Variants in PCDHA13 observed in about 807,000 individuals in gnomAD.
PCDHA13 encodes the protein protocadherin alpha 13, also known as protocadherin alpha-13.
Under a neutral mutation model 64.8 loss-of-function variants are expected in PCDHA13, and 54 were observed. The observed-to-expected ratio is 0.83, with a 90% CI of 0.67 to 1.04. The LOEUF (loss-of-function observed/expected upper bound fraction) is 1.04, where lower values mean the gene tolerates loss of function less well. Among genes scored for constraint, PCDHA13 ranks in the 50% least tolerant of loss-of-function variants. The pLI, the probability that PCDHA13 is intolerant of heterozygous loss-of-function variation, is 0.00. For synonymous variants in PCDHA13, 587 were observed against 564.4 expected, an observed-to-expected ratio of 1.04 and a Z score of -0.57; for missense variants, 1,248 against 1,254.3, an observed-to-expected ratio of 0.99 and a Z score of 0.08.
intron 1 of PCDHA13, among the ~76,000 whole-genome samples, chr5:140,937,158 C>T (rs969335051): frequency 2.6e-5 from 4 of 151,874 alleles, no homozygotes; most frequent in Non-Finnish European, 4.4e-5. Context: ...CTGCCTCAGC[C>T]TCCCGAGTAG....
Position 141,010,072 on chromosome 5 carries a change from C to T in PCDHA13, c.*135C>T. The T allele has an allele frequency of 3.1e-6, 5 of 1,606,334 alleles. No individual in the cohort carries two copies. The highest frequency in any genetic ancestry group is 4.3e-6 in the Non-Finnish European group (5 of 1,176,104). On this transcript the variant is annotated 3_prime_UTR_variant, in exon 4 of 4. Transcript: ENST00000289272. Reference sequence around the variant, plus strand: ...ACCTCAGAAATCTGCAGAAAGTTCCCTGTGTCTGTCTAGAACGCATTTAAC... The same window carrying T: ...ACCTCAGAAATCTGCAGAAAGTTCCTTGTGTCTGTCTAGAACGCATTTAAC...
At chr5:140,900,807 A>G (rs868976984) in intron 1 of PCDHA13, among the ~76,000 whole-genome samples, 1 of 152,176 alleles carries the variant, frequency 6.6e-6, no homozygotes, top group South Asian at 2.1e-4. Flanking sequence ...TAGTGCTTGT[A>G]CTAATTTACA....
intron 1 of PCDHA13, chr5:140,966,824 A>T: frequency 1.3e-6 from 2 of 1,559,992 alleles, no homozygotes; most frequent in Non-Finnish European, 1.7e-6. Flanking sequence ...CCGGCGGCCC[A>T]TGCCCTGGCT....
At position 140,927,553 on chromosome 5, in the gene PCDHA13, A is replaced by G. The variant is rs782577411; in HGVS notation, c.2394+42891A>G. 1.3e-5 allele frequency: 21 copies of G among 1,614,030 alleles called. No homozygotes were observed. The highest frequency in any genetic ancestry group is 9.3e-5 in the African/African-American group (7 of 74,932). ...CCGCTCAGGAGACGCACAAGTCACC[A>G]TCATTGTGGTGGACACAAATGACAA... On this transcript the variant is annotated intron_variant, in intron 1 of 3. Coordinates refer to ENST00000289272, the MANE Select transcript of PCDHA13 (RefSeq NM_018904.3).
chr5:140,982,224 A>G (rs893184323), intron 2 of PCDHA13: 8 of 587,202 alleles, frequency 1.4e-5, no homozygotes, highest in South Asian at 3.8e-5. Flanking sequence ...TGGCGTTAAT[A>G]AAAAACAGAA....
chr5:140,991,310 C>T (rs1450251256), intron 3 of PCDHA13, among the ~76,000 whole-genome samples: 2 of 152,140 alleles, frequency 1.3e-5, no homozygotes, highest in Admixed American at 6.5e-5. Flanking sequence ...TATCTTGTCC[C>T]GCATGATACA....
chr5:141,009,938 G>T lies in PCDHA13; in HGVS notation c.*1G>T, dbSNP rs781826815. The T allele has an allele frequency of 6.6e-5, 106 of 1,600,570 alleles. No individual in the cohort carries two copies. The highest frequency in any genetic ancestry group is 8.9e-5 in the Non-Finnish European group (105 of 1,175,516). ...CACGACTGACAACAGTGACCAGTGA[G>T]GTCCTCAAATGGAAACAAGCCACTT... On this transcript the variant is annotated 3_prime_UTR_variant, in exon 4 of 4. Coordinates refer to ENST00000289272, the MANE Select transcript of PCDHA13 (RefSeq NM_018904.3).
chr5:140,926,881 C>G, intron 1 of PCDHA13: 1 of 1,541,960 alleles, frequency 6.5e-7, no homozygotes, highest in Non-Finnish European at 8.8e-7. Context: ...AACGTGGACG[C>G]CTAGAGGGAG....
intron 3 of PCDHA13, among the ~76,000 whole-genome samples, chr5:140,999,763 T>C (rs1475737646): frequency 2.0e-5 from 3 of 152,200 alleles, no homozygotes; most frequent in African/African-American, 7.2e-5. Flanking sequence ...ACATGATGTC[T>C]TTATACTCTT....
intron 1 of PCDHA13, chr5:140,966,963 G>C: frequency 6.2e-7 from 1 of 1,602,992 alleles, no homozygotes; most frequent in Non-Finnish European, 8.5e-7. Context: ...CGCGCGCTGG[G>C]GCTTGAGCTG....
chr5:140,952,301 T>G (rs246036), intron 1 of PCDHA13, among the ~76,000 whole-genome samples: 84,430 of 149,404 alleles, frequency 0.57, 24,448 homozygotes, highest in African/African-American at 0.7. Flanking sequence ...CACAGCCATT[T>G]CACTCCAGCC....
rs1554178111 is a variant in PCDHA13 at position 140,883,417 on chromosome 5, A to G, written c.1149A>G (p.Gly383=). The change falls in exon 1 of 4, where the codon GGA becomes GGG. Residue 383 remains glycine, a synonymous_variant. Transcript: ENST00000289272. Reference sequence around the variant, plus strand: ...CCGATCGTGACTCTGGCTCAAATGGACAGGTCACCTGCACCTTGACGCCGC... The same window carrying G: ...CCGATCGTGACTCTGGCTCAAATGGGCAGGTCACCTGCACCTTGACGCCGC... ...SVSDRDSGSN[G]QVTCTLTPHV... 3.1e-6 allele frequency: 5 copies of G among 1,614,146 alleles called. No homozygotes were observed. The South Asian group carries it at 5.5e-5, about 18-fold the overall frequency.
intron 1 of PCDHA13, among the ~76,000 whole-genome samples, chr5:140,914,575 A>G (rs2076765762): frequency 2.0e-5 from 3 of 152,018 alleles, no homozygotes; most frequent in African/African-American, 7.2e-5. Context: ...TTTACATTCA[A>G]TAATTTCATT....
intron 1 of PCDHA13, among the ~76,000 whole-genome samples, chr5:140,940,750 G>A (rs1274521070): frequency 2.6e-5 from 4 of 152,136 alleles, no homozygotes; most frequent in Non-Finnish European, 5.9e-5. Context: ...TTTTATGTGT[G>A]CCAACTTTTA....
intron 1 of PCDHA13, among the ~76,000 whole-genome samples, chr5:140,960,011 A>G (rs578052753): frequency 1.2e-4 from 18 of 152,350 alleles, no homozygotes; most frequent in Admixed American, 1.0e-3. Flanking sequence ...TCTATTTTGC[A>G]TCATGATTTT....
intron 1 of PCDHA13, among the ~76,000 whole-genome samples, chr5:140,918,244 T>A (rs1554198493): frequency 6.6e-6 from 1 of 152,236 alleles, no homozygotes; most frequent in Non-Finnish European, 1.5e-5. Context: ...TGATTTTGTA[T>A]GCTGAAACTT....
chr5:140,920,519 C>T lies in PCDHA13; in HGVS notation c.2394+35857C>T, dbSNP rs555001599. Among the ~76,000 whole-genome samples the T allele has an allele frequency of 2.9e-4, 44 of 152,246 alleles. 2 individuals are homozygous for T. The highest frequency in any genetic ancestry group is 2.8e-4 in the Non-Finnish European group (19 of 68,008). On this transcript the variant is annotated intron_variant, in intron 1 of 3. Coordinates refer to ENST00000289272, the MANE Select transcript of PCDHA13 (RefSeq NM_018904.3). The stretch of plus-strand genomic sequence containing the variant: ...GTTCTACATACTGTTTTATGCAATT[C>T]GTTAGACTCAGGTTTTCTATTTCAC...
chr5:140,981,252 T>C (rs1482350756), intron 2 of PCDHA13, among the ~76,000 whole-genome samples: 1 of 152,240 alleles, frequency 6.6e-6, no homozygotes, highest in African/African-American at 2.4e-5. Context: ...GAAATTTAAC[T>C]TTCAAGATAA....
intron 3 of PCDHA13, among the ~76,000 whole-genome samples, chr5:141,006,264 T>C (rs2098264343): frequency 6.6e-6 from 1 of 152,148 alleles, no homozygotes; most frequent in Non-Finnish European, 1.5e-5. Flanking sequence ...CAGGCTGGAC[T>C]GCAGTGGCAC....
Sources: gnomAD v4.1 joint callset for allele counts (sites outside exome capture counted in the v4.1 genomes callset) on GRCh38, gnomAD v4.1.1 for gene constraint, MANE v1.5 for transcripts, NCBI Gene and HGNC (gene_info 2026-07-23, HGNC 2026-07-21) for gene names.